Variants in PDE4D observed in about 807,000 individuals in gnomAD.
PDE4D encodes the protein 3',5'-cyclic-AMP phosphodiesterase 4D.
PDE4D carries 24 observed loss-of-function variants against 87.4 expected under a neutral mutation model. That is an observed-to-expected ratio of 0.27 (90% CI 0.20 to 0.39). The LOEUF (loss-of-function observed/expected upper bound fraction) is 0.39. Among genes scored for constraint, PDE4D ranks in the 10% least tolerant of loss-of-function variants. The probability of loss-of-function intolerance (pLI) is 1.00; values close to 1 mark genes in which losing one functional copy is unlikely to be tolerated. For synonymous variants in PDE4D, 384 were observed against 383.2 expected (o/e 1.00, Z -0.02); for missense variants, 714 against 1,041.0 (o/e 0.69, Z 4.32).
chr5:59,268,288 A>G (rs974081353), intron 1 of PDE4D, among the ~76,000 whole-genome samples: 1 of 152,046 alleles, frequency 6.6e-6, no homozygotes, highest in Admixed American at 6.6e-5. Context: ...ATGCTAAAAA[A>G]CTGCATCCAT....
At chr5:59,511,354 T>TA (rs1174659405) in intron 1 of PDE4D, among the ~76,000 whole-genome samples, 1 of 151,920 alleles carries the variant, frequency 6.6e-6, no homozygotes, top group Admixed American at 6.6e-5. Flanking sequence ...GAAAGTAAGA[T>TA]AAAAAGTATA....
At chr5:60,098,499 T>C (rs1231770631) in intron 2 of PDE4D, among the ~76,000 whole-genome samples, 1 of 152,016 alleles carries the variant, frequency 6.6e-6, no homozygotes, top group East Asian at 1.9e-4. Context: ...TTCACATCCC[T>C]GGTTGTATTT....
At chr5:59,285,919 G>A (rs753736828) in intron 1 of PDE4D, among the ~76,000 whole-genome samples, 2 of 152,124 alleles carry the variant, frequency 1.3e-5, no homozygotes, top group African/African-American at 2.4e-5. Flanking sequence ...ACCTTATCTG[G>A]AGCCACTACT....
intron 1 of PDE4D, among the ~76,000 whole-genome samples, chr5:59,742,225 G>C (rs1486294920): frequency 6.6e-6 from 1 of 152,016 alleles, no homozygotes; most frequent in Non-Finnish European, 1.5e-5. Flanking sequence ...TACCATATTT[G>C]GTGAATTTTT....
At chr5:59,698,463 C>T (rs1752113108) in intron 1 of PDE4D, among the ~76,000 whole-genome samples, 1 of 151,760 alleles carries the variant, frequency 6.6e-6, no homozygotes, top group Non-Finnish European at 1.5e-5. Flanking sequence ...AAGGGTCAAG[C>T]AGAAGGAAAG....
At chr5:60,221,690 A>G (rs540010798) in intron 1 of PDE4D, among the ~76,000 whole-genome samples, 1 of 152,308 alleles carries the variant, frequency 6.6e-6, no homozygotes, top group East Asian at 1.9e-4. Flanking sequence ...AGGATTGCAT[A>G]CAAGTCGAAT....
chr5:59,049,748 A>G (rs959564859), intron 5 of PDE4D, among the ~76,000 whole-genome samples: 2 of 152,226 alleles, frequency 1.3e-5, no homozygotes, highest in African/African-American at 4.8e-5. Flanking sequence ...AAGGACTCCA[A>G]GTTAAGAATA....
chr5:59,963,471 T>C (rs944955237), intron 3 of PDE4D, among the ~76,000 whole-genome samples: 14 of 152,058 alleles, frequency 9.2e-5, no homozygotes, highest in African/African-American at 2.9e-4. Flanking sequence ...TGGCAGTCTA[T>C]TGAAGGGAAT....
chr5:60,027,555 C>A (rs997270144), intron 2 of PDE4D, among the ~76,000 whole-genome samples: 5 of 152,290 alleles, frequency 3.3e-5, no homozygotes, highest in African/African-American at 1.2e-4. Flanking sequence ...TTACTTCCAT[C>A]ATAGTACTTG....
At chr5:59,724,922 C>T (rs1369133397) in intron 1 of PDE4D, among the ~76,000 whole-genome samples, 1 of 152,140 alleles carries the variant, frequency 6.6e-6, no homozygotes, top group Non-Finnish European at 1.5e-5. Flanking sequence ...GTCAAACATA[C>T]TTTCATTGAA....
intron 1 of PDE4D, among the ~76,000 whole-genome samples, chr5:60,254,241 T>C (rs1451650183): frequency 6.6e-6 from 1 of 151,928 alleles, no homozygotes; most frequent in African/African-American, 2.4e-5. Context: ...GATGTTCACA[T>C]TATACCAAGA....
At chr5:59,917,110 C>T (rs1754149211) in intron 3 of PDE4D, among the ~76,000 whole-genome samples, 1 of 151,596 alleles carries the variant, frequency 6.6e-6, no homozygotes, top group African/African-American at 2.4e-5. Flanking sequence ...GGCCATCCTT[C>T]TTGAAGAAGT....
chr5:59,365,908 T>C (rs1271747835), intron 1 of PDE4D, among the ~76,000 whole-genome samples: 1 of 152,186 alleles, frequency 6.6e-6, no homozygotes, highest in Non-Finnish European at 1.5e-5. Context: ...CATGCCTTAG[T>C]AGGGCAATCA....
chr5:60,092,264 G>A lies in PDE4D; in HGVS notation c.42+93293C>T, dbSNP rs188790028. Among the ~76,000 whole-genome samples, 30 of 152,150 alleles carry A rather than the reference G, an allele frequency of 2.0e-4. No homozygotes were observed. The East Asian group carries it at 5.2e-3, about 26-fold the overall frequency. ...AAAGTGGATCTCATGAAGGTGGAAA[G>A]TAGAATGATGGTTACCAGACATTGG... On this transcript the variant is annotated intron_variant, in intron 2 of 16. Coordinates refer to the PDE4D transcript ENST00000502484.
chr5:59,907,321 CTG>C (rs1241513248), intron 3 of PDE4D, among the ~76,000 whole-genome samples: 1 of 152,012 alleles, frequency 6.6e-6, no homozygotes, highest in Non-Finnish European at 1.5e-5. Context: ...GGTCGGCAAA[CTG>C]TTTTTATAAA....
chr5:60,395,649 C>G (rs867136684), intron 1 of PDE4D, among the ~76,000 whole-genome samples: 1 of 151,900 alleles, frequency 6.6e-6, no homozygotes, highest in South Asian at 2.1e-4. Flanking sequence ...CTGAGTTAGA[C>G]TGAAAACATC....
intron 2 of PDE4D, chr5:59,215,536 G>T: frequency 2.5e-6 from 1 of 398,700 alleles, no homozygotes; most frequent in Non-Finnish European, 4.4e-6. Flanking sequence ...GTATTTTCTG[G>T]GAAAATAAAT....
intron 2 of PDE4D, among the ~76,000 whole-genome samples, chr5:60,020,287 T>C (rs1264597255): frequency 1.3e-5 from 2 of 152,118 alleles, no homozygotes; most frequent in African/African-American, 2.4e-5. Flanking sequence ...CCGTAACAAA[T>C]ATAATGATAA....
At chr5:60,160,065 A>G (rs1025318682) in intron 2 of PDE4D, among the ~76,000 whole-genome samples, 6 of 152,174 alleles carry the variant, frequency 3.9e-5, no homozygotes, top group African/African-American at 1.4e-4. Context: ...AGCCTACTCA[A>G]CATGAAGATG....
Sources: allele counts gnomAD v4.1 joint callset (sites outside exome capture counted in the v4.1 genomes callset), GRCh38; gene constraint gnomAD v4.1.1; transcripts MANE v1.5; gene names NCBI Gene and HGNC (gene_info 2026-07-23, HGNC 2026-07-21).